Variants in AGO4 observed in about 807,000 individuals in gnomAD.
AGO4 encodes the protein argonaute RISC component 4.
AGO4 carries 33 observed loss-of-function variants against 104.7 expected under a neutral mutation model. The observed-to-expected ratio is 0.32, with a 90% CI of 0.24 to 0.42. AGO4 has a LOEUF of 0.42. AGO4 is among the 10% of genes least tolerant of loss of function. The pLI is 1.00. For missense variants in AGO4, 711 were observed against 1,083.4 expected (o/e 0.66, Z 4.83); for synonymous variants, 331 against 364.7 (o/e 0.91, Z 1.05).
chr1:35,847,631 C>G (rs1489091298), intron 15 of AGO4, among the ~76,000 whole-genome samples: 1 of 152,044 alleles, frequency 6.6e-6, no homozygotes, highest in Non-Finnish European at 1.5e-5. Flanking sequence ...ACTTATAATA[C>G]CTAATACAAT....
intron 7 of AGO4, among the ~76,000 whole-genome samples, chr1:35,828,302 G>A (rs1234089417): frequency 6.6e-6 from 1 of 152,112 alleles, no homozygotes; most frequent in Non-Finnish European, 1.5e-5. Flanking sequence ...CTACAGGCAT[G>A]TGCCACCATG....
At chr1:35,826,166 T>G in intron 6 of AGO4, 106 bp downstream of exon 6, 1 of 1,401,778 alleles carries the variant, frequency 7.1e-7, no homozygotes. Context: ...GGCTAACCAC[T>G]TCTATCAATG....
intron 1 of AGO4, among the ~76,000 whole-genome samples, chr1:35,813,283 C>T (rs541631380): frequency 2.0e-5 from 3 of 152,062 alleles, no homozygotes; most frequent in South Asian, 4.2e-4. Flanking sequence ...GCAGCATGCG[C>T]CTGTAGTCCC....
At chr1:35,838,591 TTTG>T (rs1230271564) in intron 13 of AGO4, among the ~76,000 whole-genome samples, 3 of 152,204 alleles carry the variant, frequency 2.0e-5, no homozygotes, top group Non-Finnish European at 4.4e-5. Flanking sequence ...ATAGGTTTTT[TTTG>T]TTGTTGTTTA....
At chr1:35,814,981 G>A (rs944002487) in intron 1 of AGO4, among the ~76,000 whole-genome samples, 3 of 152,076 alleles carry the variant, frequency 2.0e-5, no homozygotes, top group African/African-American at 7.2e-5. Context: ...GGGTTCAAGC[G>A]ATTCTCCTGC....
intron 15 of AGO4, among the ~76,000 whole-genome samples, chr1:35,846,469 C>T (rs1288800730): frequency 2.0e-5 from 3 of 151,818 alleles, no homozygotes; most frequent in Admixed American, 6.6e-5. Flanking sequence ...TGGTGGCAGG[C>T]GCCTGTAGTC....
chr1:35,840,165 T>G (rs1644406058), intron 13 of AGO4, among the ~76,000 whole-genome samples: 1 of 151,228 alleles, frequency 6.6e-6, no homozygotes, highest in Non-Finnish European at 1.5e-5. Context: ...CTAATTTTTT[T>G]TTTTGTTTGT....
chr1:35,822,768 C>T (rs1429053311), intron 2 of AGO4, 94 bp from the exon 3 acceptor site: 2 of 1,499,414 alleles, frequency 1.3e-6, no homozygotes, highest in African/African-American at 2.8e-5. Flanking sequence ...CCAAGTAATA[C>T]TGAACCGAAT....
rs77235743 is a variant in AGO4 at position 35,855,466 on chromosome 1, C to G, written c.*1861C>G. 8.4e-3 allele frequency: 1,275 copies of G among 152,562 alleles called. 9 individuals are homozygous for G. The highest frequency in any genetic ancestry group is 0.021 in the South Asian group (100 of 4,808). The allele number at this position is 152,562 out of a possible 1,614,324, so 9.5% of individuals were successfully genotyped here. A position where few individuals can be genotyped will look rare whatever the true frequency, so the allele number is the denominator to read the frequency against. ...ATTTCCATGTGCTGTTGATCAACGG[C>G]GCCACCTGTGTTTGCTGAGACTGGT... On this transcript the variant is annotated 3_prime_UTR_variant, in exon 18 of 18. Coordinates refer to ENST00000373210, the MANE Select transcript of AGO4 (RefSeq NM_017629.4).
In AGO4 at chr1:35,808,343, C is replaced by G; in HGVS notation, c.-74C>G. The G allele has an allele frequency of 7.0e-6, 6 of 857,834 alleles. No homozygotes were observed. The highest frequency in any genetic ancestry group is 8.4e-6 in the Non-Finnish European group (6 of 710,156). 53.1% of individuals were successfully genotyped at this position (857,834 alleles called of 1,614,324 possible). A position where few individuals can be genotyped will look rare whatever the true frequency, so the allele number is the denominator to read the frequency against. ...ATTCCGGAGATCAAGCGTTACGCGG[C>G]GGCGGCGGCGGCGGCGGCGGGGCCC... is the stretch of plus-strand genomic sequence containing the variant. On this transcript the variant is annotated 5_prime_UTR_variant, in exon 1 of 18. Transcript: ENST00000373210. The surrounding 1 kb of genome is among the most constrained non-coding windows in gnomAD (Gnocchi z 5.2).
intron 2 of AGO4, among the ~76,000 whole-genome samples, chr1:35,822,467 T>C (rs1643907835): frequency 6.6e-6 from 1 of 151,622 alleles, no homozygotes; most frequent in African/African-American, 2.4e-5. Context: ...TTGGTCAGGC[T>C]GGTCTCGAAC....
chr1:35,856,823 A>G lies in AGO4; in HGVS notation c.*3218A>G, dbSNP rs1477312983. ...AACAAGAGCGAAACTCTGTCTCAAA[A>G]AAAAAAAGGGGGGGGGGGGACATTA... On this transcript the variant is annotated 3_prime_UTR_variant, in exon 18 of 18. Transcript: ENST00000373210. The G allele has an allele frequency of 1.7e-4, 5 of 29,542 alleles. 1 individual carries two copies. The highest frequency in any genetic ancestry group is 3.7e-3 in the South Asian group (2 of 544). 1.8% of individuals were successfully genotyped at this position (29,542 alleles called of 1,614,324 possible). A position where few individuals can be genotyped will look rare whatever the true frequency, so the allele number is the denominator to read the frequency against.
chr1:35,824,188 A>G (rs1021305454), intron 3 of AGO4, among the ~76,000 whole-genome samples: 3 of 152,166 alleles, frequency 2.0e-5, no homozygotes, highest in African/African-American at 7.2e-5. Context: ...CTCATAATAA[A>G]TTTATCCAGA....
chr1:35,852,105 T>G (rs554133611), intron 17 of AGO4, among the ~76,000 whole-genome samples: 67 of 152,282 alleles, frequency 4.4e-4, no homozygotes, highest in African/African-American at 1.5e-3. Context: ...AGTGGCATGT[T>G]TGTACAGTAG....
intron 12 of AGO4, among the ~76,000 whole-genome samples, chr1:35,835,036 G>A (rs1644276865): frequency 8.2e-6 from 1 of 121,304 alleles, no homozygotes; most frequent in African/African-American, 2.8e-5. Context: ...TTTGAGGCAG[G>A]GTCCTGCTCT....
chr1:35,841,574 G>A lies in AGO4; in HGVS notation c.2041-42G>A, dbSNP rs374453071. 6.2e-7 allele frequency: 1 copy of A among 1,613,582 alleles called. No individual in the cohort carries two copies. The highest frequency in any genetic ancestry group is 1.3e-5 in the African/African-American group (1 of 74,868). ...TTCTGGGTAGATCTGAGAGATACTA[G>A]GCAAATTCTCAATTAAACATAATTC... On this transcript the variant is annotated intron_variant, in intron 14 of 17. Coordinates refer to ENST00000373210, the MANE Select transcript of AGO4 (RefSeq NM_017629.4). This position sits in a 1 kb window ranked among gnomAD's most constrained non-coding sequence, Gnocchi z 4.7.
intron 1 of AGO4, among the ~76,000 whole-genome samples, chr1:35,814,622 C>G (rs1184693908): frequency 6.6e-6 from 1 of 152,072 alleles, no homozygotes; most frequent in African/African-American, 2.4e-5. Flanking sequence ...TATACTTGCT[C>G]TATGGGTTCC....
rs189684277 is a variant in AGO4 at position 35,819,421 on chromosome 1, C to T, written c.185+2374C>T. On this transcript the variant is annotated intron_variant, in intron 2 of 17. Coordinates refer to ENST00000373210, the MANE Select transcript of AGO4 (RefSeq NM_017629.4). Reference sequence around the variant, plus strand: ...AGCAAGCTTAGGCAACATGGCTAGACTCTGTCTATATTAAAAAAAACAAAA... The same window carrying T: ...AGCAAGCTTAGGCAACATGGCTAGATTCTGTCTATATTAAAAAAAACAAAA... Among the ~76,000 whole-genome samples, 61 of 151,804 alleles carry T rather than the reference C, an allele frequency of 4.0e-4. No homozygotes were observed. The East Asian group carries it at 0.011, about 28-fold the overall frequency.
At chr1:35,828,721 A>G (rs777277829) in intron 7 of AGO4, among the ~76,000 whole-genome samples, 2 of 151,940 alleles carry the variant, frequency 1.3e-5, no homozygotes, top group Non-Finnish European at 2.9e-5. Flanking sequence ...GGGTTCCTCT[A>G]TGTTGGCCAG....
Sources: gnomAD v4.1 joint callset for allele counts (sites outside exome capture counted in the v4.1 genomes callset) on GRCh38, gnomAD v4.1.1 for gene constraint, Gnocchi (gnomAD v3.1) non-coding constraint, MANE v1.5 for transcripts, NCBI Gene and HGNC (gene_info 2026-07-23, HGNC 2026-07-21) for gene names.